HACL2: variants seen among roughly 807,000 people sequenced by gnomAD.
HACL2 encodes 2-hydroxyacyl-CoA lyase 2.
At chr19:15,116,732 G>A in the HACL2 span, 3 of 571,740 alleles carry the variant, frequency 5.2e-6, no homozygotes, top group South Asian at 4.5e-5. Context: ...GGAAGACAAG[G>A]CCCAAGAAAC....
the HACL2 span, chr19:15,120,049 G>A: frequency 6.5e-7 from 1 of 1,550,292 alleles, no homozygotes; most frequent in Non-Finnish European, 8.7e-7. Context: ...CCAGGCTCCT[G>A]CAAAGAGGTT....
At chr19:15,117,381 G>A in the HACL2 span, 740 of 156,422 alleles carry the variant, frequency 4.7e-3, 3 homozygotes, top group Non-Finnish European at 7.2e-3. Flanking sequence ...TCCTACAGAA[G>A]CATCTATCAG....
At chr19:15,116,215 C>T in the HACL2 span, 1 of 1,613,828 alleles carries the variant, frequency 6.2e-7, no homozygotes, top group Non-Finnish European at 8.5e-7. Flanking sequence ...CCCACGAAGT[C>T]CCCGCCATCC....
the HACL2 span, chr19:15,119,490 C>G: frequency 6.2e-7 from 1 of 1,614,076 alleles, no homozygotes; most frequent in Non-Finnish European, 8.5e-7. Context: ...CTTGGCCCGG[C>G]TCAGGATCTC....
the HACL2 span, chr19:15,123,642 G>A: frequency 8.8e-6 from 13 of 1,473,316 alleles, no homozygotes; most frequent in African/African-American, 1.2e-4. This position sits in a 1 kb window ranked among gnomAD's most constrained non-coding sequence, Gnocchi z 5.1. Flanking sequence ...GGGAAAGGGG[G>A]CAATCCCCCT....
chr19:15,121,811 T>TC, the HACL2 span, among the ~76,000 whole-genome samples: 2 of 89,268 alleles, frequency 2.2e-5, no homozygotes, highest in Non-Finnish European at 4.4e-5. Context: ...AGAATCTGTT[T>TC]CAAAAAAAAA....
At chr19:15,119,016 G>A in the HACL2 span, 3 of 719,060 alleles carry the variant, frequency 4.2e-6, no homozygotes, top group East Asian at 6.0e-5. Context: ...CACCTATTAT[G>A]CGTCTGGTTG....
At chr19:15,123,401 G>A in the HACL2 span, 6 of 1,613,950 alleles carry the variant, frequency 3.7e-6, no homozygotes, top group East Asian at 2.2e-5. This position sits in a 1 kb window ranked among gnomAD's most constrained non-coding sequence, Gnocchi z 5.1. Context: ...AGCATCAGCA[G>A]CAAAGACGGC....
At chr19:15,124,869 C>T in the HACL2 span, 1 of 1,552,264 alleles carries the variant, frequency 6.4e-7, no homozygotes, top group Non-Finnish European at 8.7e-7. Flanking sequence ...AGCAGCACCA[C>T]GAGGCCCCTC....
At chr19:15,125,227 CCTAGG>C in the HACL2 span, 1 of 735,348 alleles carries the variant, frequency 1.4e-6, no homozygotes, top group Admixed American at 3.0e-5. Context: ...CCTTTGTGCG[CCTAGG>C]CTCGGGGTGA....
chr19:15,119,996 C>T, the HACL2 span: 121 of 1,549,620 alleles, frequency 7.8e-5, no homozygotes, highest in Non-Finnish European at 9.8e-5. Context: ...TGCGGGGAAG[C>T]CTGGGGGATG....
chr19:15,125,035 G>T, the HACL2 span: 1 of 1,563,806 alleles, frequency 6.4e-7, no homozygotes, highest in East Asian at 2.4e-5. Context: ...CTCCCAGCGG[G>T]GGCGGCGGCC....
the HACL2 span, chr19:15,123,941 G>T: frequency 3.9e-6 from 1 of 255,514 alleles, no homozygotes; most frequent in Non-Finnish European, 7.6e-6. This position sits in a 1 kb window ranked among gnomAD's most constrained non-coding sequence, Gnocchi z 5.1. Flanking sequence ...GTTTGGCCAG[G>T]GGCACAACGC....
At chr19:15,125,020 A>G in the HACL2 span, 1 of 1,578,912 alleles carries the variant, frequency 6.3e-7, no homozygotes. Context: ...AAGGAGGGGA[A>G]TAAGCTCCCA....
At chr19:15,121,449 G>A in the HACL2 span, among the ~76,000 whole-genome samples, 1,243 of 152,224 alleles carry the variant, frequency 8.2e-3, 11 homozygotes, top group African/African-American at 0.029. Context: ...CAGGCAAAGG[G>A]AAGGGACTGA....
At chr19:15,117,912 G>C in the HACL2 span, 3 of 1,613,992 alleles carry the variant, frequency 1.9e-6, no homozygotes, top group East Asian at 4.5e-5. Context: ...TCCAGAAGAT[G>C]TCTGAGTTGA....
At chr19:15,123,488 C>A in the HACL2 span, 1 of 1,614,200 alleles carries the variant, frequency 6.2e-7, no homozygotes, top group Non-Finnish European at 8.5e-7. This position sits in a 1 kb window ranked among gnomAD's most constrained non-coding sequence, Gnocchi z 5.1. Context: ...AATGTGCCCA[C>A]CGACCAGCGT....
the HACL2 span, chr19:15,115,648 C>A: frequency 6.2e-7 from 1 of 1,613,942 alleles, no homozygotes; most frequent in East Asian, 2.2e-5. Flanking sequence ...CAGCATCATT[C>A]CCTACCAAGG....
the HACL2 span, chr19:15,125,405 C>G: frequency 3.8e-6 from 1 of 262,272 alleles, no homozygotes; most frequent in Non-Finnish European, 7.3e-6. Context: ...CAGGCGGAAG[C>G]CCCGCCTCTC....
Sources: gnomAD v4.1 joint callset for allele counts (sites outside exome capture counted in the v4.1 genomes callset) on GRCh38, gnomAD v4.1.1 for gene constraint, Gnocchi (gnomAD v3.1) non-coding constraint, MANE v1.5 for transcripts, NCBI Gene and HGNC (gene_info 2026-07-23, HGNC 2026-07-21) for gene names.